TOM1: variants seen among roughly 807,000 people sequenced by gnomAD.
TOM1 encodes target of myb1 membrane trafficking protein, also known as target of Myb protein 1.
In TOM1, 38 loss-of-function variants were observed where a neutral mutation model predicts 61.3. That is an observed-to-expected ratio of 0.62 (90% CI 0.48 to 0.81). TOM1 has a LOEUF of 0.81. Ranked by LOEUF, TOM1 falls within the 40% of genes least tolerant of loss-of-function variation. TOM1 has a pLI of 0.00. For synonymous variants in TOM1, 270 were observed against 268.8 expected, an observed-to-expected ratio of 1.00 and a Z score of -0.04; for missense variants, 591 against 659.6, an observed-to-expected ratio of 0.90 and a Z score of 1.14.
At chr22:35,345,860 G>A (rs923758222) in intron 13 of TOM1, 76 bp downstream of exon 13, 5 of 1,509,790 alleles carry the variant, frequency 3.3e-6, no homozygotes, top group Non-Finnish European at 4.6e-6. Flanking sequence ...CATGGGGCCA[G>A]GGTAGACTTA....
chr22:35,329,728 C>T (rs998678050), intron 7 of TOM1, among the ~76,000 whole-genome samples: 2 of 152,066 alleles, frequency 1.3e-5, no homozygotes, highest in African/African-American at 4.8e-5. Flanking sequence ...TTTGCAGACT[C>T]AGTTTTTTTT....
intron 12 of TOM1, among the ~76,000 whole-genome samples, chr22:35,340,079 G>A (rs1929751151): frequency 6.6e-6 from 1 of 152,250 alleles, no homozygotes; most frequent in Non-Finnish European, 1.5e-5. Flanking sequence ...ATTCTCTCAT[G>A]CATGTCAACG....
intron 2 of TOM1, among the ~76,000 whole-genome samples, chr22:35,320,500 G>A (rs1927677309): frequency 6.6e-6 from 1 of 151,986 alleles, no homozygotes; most frequent in African/African-American, 2.4e-5. Context: ...ACTCAGTGTG[G>A]CCTCCTCTTA....
chr22:35,332,293 A>C (rs564205007), intron 8 of TOM1, among the ~76,000 whole-genome samples: 1 of 152,138 alleles, frequency 6.6e-6, no homozygotes, highest in Non-Finnish European at 1.5e-5. Flanking sequence ...TCAGATATCC[A>C]CAGTCATTAG....
chr22:35,317,158 A>G (rs1223285160), intron 1 of TOM1, among the ~76,000 whole-genome samples: 1 of 152,144 alleles, frequency 6.6e-6, no homozygotes, highest in African/African-American at 2.4e-5. Context: ...TATCCTGTGA[A>G]TGGTTACCAA....
At chr22:35,311,171 G>T (rs967692244) in intron 1 of TOM1, 1 of 152,472 alleles carries the variant, frequency 6.6e-6, no homozygotes, top group Non-Finnish European at 1.5e-5. Flanking sequence ...TCTCAGTGCC[G>T]GCTCCCGAGG....
chr22:35,309,144 G>A (rs2145617211), intron 1 of TOM1, among the ~76,000 whole-genome samples: 1 of 152,212 alleles, frequency 6.6e-6, no homozygotes, highest in South Asian at 2.1e-4. Context: ...CATTTATTTT[G>A]GTGCTTGAAA....
At chr22:35,302,234 A>G (rs964143480) in intron 1 of TOM1, among the ~76,000 whole-genome samples, 1 of 151,288 alleles carries the variant, frequency 6.6e-6, no homozygotes, top group South Asian at 2.1e-4. Context: ...TTGTTAAATA[A>G]TGTCGGGGCC....
intron 8 of TOM1, among the ~76,000 whole-genome samples, chr22:35,331,764 G>T (rs1297931647): frequency 2.0e-5 from 3 of 152,068 alleles, no homozygotes; most frequent in Non-Finnish European, 4.4e-5. Context: ...GTGGGTGCCT[G>T]TAATCCCAGC....
chr22:35,302,277 C>T (rs1371736280), intron 1 of TOM1, among the ~76,000 whole-genome samples: 2 of 150,296 alleles, frequency 1.3e-5, no homozygotes, highest in African/African-American at 4.9e-5. Flanking sequence ...TCCAGGTCTG[C>T]GGTGGGACTC....
chr22:35,338,812 A>G, intron 12 of TOM1, 24 bp downstream of exon 12: 1 of 1,549,564 alleles, frequency 6.5e-7, no homozygotes, highest in Non-Finnish European at 8.7e-7. Flanking sequence ...CCATCCTGCC[A>G]CCCTGGGGCC....
In TOM1 at chr22:35,304,488, G is replaced by GT. The variant is rs1415231059; in HGVS notation, c.52+4514dup. ...GGATCTGTTTTGTTTTTTGTTTTTT[G>GT]TTTTTTATGAGACAGAGTCTCACTC... On this transcript the variant is annotated intron_variant, in intron 1 of 14. Transcript: ENST00000449058. 1.2e-3 allele frequency among the ~76,000 whole-genome samples: 184 copies of GT among 151,966 alleles called. 1 individual carries two copies. The highest frequency in any genetic ancestry group is 4.2e-3 in the African/African-American group (173 of 41,490).
chr22:35,330,629 C>A, intron 8 of TOM1, 149 bp downstream of exon 8: 1 of 793,584 alleles, frequency 1.3e-6, no homozygotes, highest in Non-Finnish European at 1.9e-6. Context: ...GTGCCCTCAG[C>A]TGTCTTCTTC....
In TOM1 at chr22:35,332,386, G is replaced by T. The variant is rs559789539; in HGVS notation, c.900-595G>T. ...GGGCTTCAGCACTTCAGGGAGGCAG[G>T]TGCCTACAGATACTAGACAAGCAGA... On this transcript the variant is annotated intron_variant, in intron 8 of 14. Transcript: ENST00000449058. Among the ~76,000 whole-genome samples the T allele has an allele frequency of 3.9e-5, 6 of 152,224 alleles. No homozygotes were observed. In the South Asian group the frequency reaches 1.2e-3, roughly 32 times the overall value.
chr22:35,312,781 G>A lies in TOM1; in HGVS notation c.53-5096G>A, dbSNP rs565450803. Among the ~76,000 whole-genome samples, 5 of 152,324 alleles carry A rather than the reference G, an allele frequency of 3.3e-5. No individual in the cohort carries two copies. In the East Asian group the frequency reaches 9.7e-4, roughly 29 times the overall value. On this transcript the variant is annotated intron_variant, in intron 1 of 14. Transcript: ENST00000449058. ...GAGGCGTGAGAGGGCAAGCCACATAGAGGAAGGGGGTACAGCTGACTGTGG... is the reference window on the plus strand; with the variant it reads ...GAGGCGTGAGAGGGCAAGCCACATAAAGGAAGGGGGTACAGCTGACTGTGG...
rs1198747545 is a variant in TOM1, at chr22:35,323,448, T to C, written c.367-48T>C. 1.9e-6 allele frequency: 3 copies of C among 1,604,034 alleles called. No individual in the cohort carries two copies. Among genetic ancestry groups the C allele is most frequent in the Non-Finnish European group, 2.6e-6 (3 of 1,174,752 alleles). ...CTGTCTGAGTGCCAGGTGGGCAGGC[T>C]CACAGGTGAGCTGTGGTTACCGGCT... On this transcript the variant is annotated intron_variant, in intron 4 of 14. Coordinates refer to ENST00000449058, the MANE Select transcript of TOM1 (RefSeq NM_005488.3). This position sits in a 1 kb window ranked among gnomAD's most constrained non-coding sequence, Gnocchi z 4.2.
intron 8 of TOM1, among the ~76,000 whole-genome samples, chr22:35,332,553 T>C (rs1271047533): frequency 1.3e-5 from 2 of 151,560 alleles, no homozygotes; most frequent in South Asian, 2.1e-4. Context: ...TAGAGATACA[T>C]GTATCTTTCT....
intron 2 of TOM1, among the ~76,000 whole-genome samples, chr22:35,320,772 A>T (rs1028290156): frequency 3.3e-5 from 5 of 152,068 alleles, no homozygotes; most frequent in Admixed American, 3.3e-4. Context: ...CTTGTTTGCC[A>T]CTGTGTCCCC....
At chr22:35,342,618 C>T (rs1286731277) in intron 12 of TOM1, among the ~76,000 whole-genome samples, 1 of 151,776 alleles carries the variant, frequency 6.6e-6, no homozygotes, top group East Asian at 1.9e-4. Flanking sequence ...CTCAGCCTAC[C>T]CAGGGCGCTG....
Sources: gnomAD v4.1 joint callset for allele counts (sites outside exome capture counted in the v4.1 genomes callset) on GRCh38, gnomAD v4.1.1 for gene constraint, Gnocchi (gnomAD v3.1) non-coding constraint, MANE v1.5 for transcripts, NCBI Gene and HGNC (gene_info 2026-07-23, HGNC 2026-07-21) for gene names.